The following GPATCH8 variants were observed in gnomAD, a reference collection of about 807,000 sequenced individuals.
The protein encoded by GPATCH8 is G-patch domain containing 8.
A neutral mutation model predicts 118.3 loss-of-function variants in GPATCH8; 18 were observed. The observed-to-expected ratio is 0.15, with a 90% confidence interval of 0.11 to 0.23. The LOEUF (loss-of-function observed/expected upper bound fraction) is 0.23, where lower values mean the gene tolerates loss of function less well. Among genes scored for constraint, GPATCH8 ranks in the 10% least tolerant of loss-of-function variants. The probability of loss-of-function intolerance (pLI) is 1.00; values close to 1 mark genes in which losing one functional copy is unlikely to be tolerated. For synonymous variants in GPATCH8, 659 were observed against 684.7 expected (o/e 0.96, Z 0.59); for missense variants, 1,631 against 1,873.8 (o/e 0.87, Z 2.39).
intron 2 of GPATCH8, 157 bp from the exon 3 acceptor site, chr17:44,464,701 A>T (rs1466589250): frequency 1.5e-6 from 1 of 649,930 alleles, no homozygotes; most frequent in Non-Finnish European, 2.8e-6. Context: ...TAAGAGGGAC[A>T]TTAATGTAAA....
At chr17:44,468,373 C>CT (rs869068538) in intron 2 of GPATCH8, among the ~76,000 whole-genome samples, 1,594 of 99,984 alleles carry the variant, frequency 0.016, 122 homozygotes, top group East Asian at 0.03. Flanking sequence ...TTCTTTGTTC[C>CT]TTTTTTTTTT....
chr17:44,435,040 C>A, intron 5 of GPATCH8, 25 bp downstream of exon 5: 1 of 976,394 alleles, frequency 1.0e-6, no homozygotes, highest in Non-Finnish European at 1.7e-6. Flanking sequence ...TCCCCATCTC[C>A]CAATGAATAG....
chr17:44,434,519 C>T (rs1478397067), intron 5 of GPATCH8, among the ~76,000 whole-genome samples: 1 of 152,192 alleles, frequency 6.6e-6, no homozygotes, highest in Admixed American at 6.5e-5. Context: ...GCCTGGCCAA[C>T]ATGGTGAAAC....
At chr17:44,460,307 G>A (rs749898140) in intron 3 of GPATCH8, among the ~76,000 whole-genome samples, 10 of 151,644 alleles carry the variant, frequency 6.6e-5, no homozygotes, top group Non-Finnish European at 8.8e-5. Flanking sequence ...CTTTTCTTCA[G>A]GTCTTTTATT....
At chr17:44,404,887 A>G (rs2049160361) in intron 7 of GPATCH8, among the ~76,000 whole-genome samples, 1 of 152,204 alleles carries the variant, frequency 6.6e-6, no homozygotes, top group Non-Finnish European at 1.5e-5. Context: ...ATAGAAGTAA[A>G]AAGTAGAACA....
At position 44,397,465 on chromosome 17, in the gene GPATCH8, T is replaced by C. The variant is rs755094128; in HGVS notation, c.*103A>G. 6.1e-6 allele frequency: 5 copies of C among 821,954 alleles called. No homozygotes were observed. The South Asian group carries it at 7.1e-5, about 12-fold the overall frequency. The allele number at this position is 821,954 out of a possible 1,614,324, so 50.9% of individuals were successfully genotyped here. ...ACTCAATTCTTTGGCTGTCAGACAC[T>C]GCCCATCCCAGCTTCTACTTGCTGG... On this transcript the variant is annotated 3_prime_UTR_variant, in exon 8 of 8. Transcript: ENST00000591680.
chr17:44,437,415 C>T (rs1194731884), intron 3 of GPATCH8, among the ~76,000 whole-genome samples: 2 of 152,050 alleles, frequency 1.3e-5, no homozygotes, highest in African/African-American at 4.8e-5. Context: ...ACAACCTGCG[C>T]TTTTTATTGT....
chr17:44,483,501 G>A (rs1306406313), intron 1 of GPATCH8, among the ~76,000 whole-genome samples: 8 of 151,244 alleles, frequency 5.3e-5, no homozygotes, highest in South Asian at 4.2e-4. Context: ...TGCCCACCTC[G>A]GCCTCCCAAA....
chr17:44,413,976 T>G (rs979720817), intron 6 of GPATCH8, among the ~76,000 whole-genome samples: 1 of 151,742 alleles, frequency 6.6e-6, no homozygotes, highest in African/African-American at 2.4e-5. Context: ...GTAATGCTTG[T>G]TTTGCTATTT....
chr17:44,435,885 G>A (rs1348522994), intron 4 of GPATCH8, among the ~76,000 whole-genome samples: 1 of 150,414 alleles, frequency 6.6e-6, no homozygotes, highest in East Asian at 2.0e-4. Context: ...ACCCGGGCAT[G>A]GTGTCATGCG....
At chr17:44,469,663 TAA>T (rs963084017) in intron 2 of GPATCH8, among the ~76,000 whole-genome samples, 1 of 152,216 alleles carries the variant, frequency 6.6e-6, no homozygotes, top group African/African-American at 2.4e-5. Flanking sequence ...GATTGTGTAT[TAA>T]AGACTATAAG....
At chr17:44,487,737 G>T (rs1190545778) in intron 1 of GPATCH8, among the ~76,000 whole-genome samples, 1 of 152,042 alleles carries the variant, frequency 6.6e-6, no homozygotes, top group Non-Finnish European at 1.5e-5. Context: ...CTAGTATTTT[G>T]TTTACTTTTA....
chr17:44,402,497 C>T lies in GPATCH8; in HGVS notation c.624-1044G>A, dbSNP rs570877405. On this transcript the variant is annotated intron_variant, in intron 7 of 7. Transcript: ENST00000591680. ...TTTATTTCATTCAATTAAAGAAAAA[C>T]TCTTGCTGGGTCAGGGTGGCTCACA... Among the ~76,000 whole-genome samples the T allele has an allele frequency of 2.0e-5, 3 of 151,948 alleles. No homozygotes were observed. The South Asian group carries it at 6.2e-4, about 32-fold the overall frequency.
At chr17:44,461,464 G>A (rs978400808) in intron 3 of GPATCH8, among the ~76,000 whole-genome samples, 4 of 151,696 alleles carry the variant, frequency 2.6e-5, no homozygotes, top group East Asian at 1.9e-4. Context: ...GATTTCAGGC[G>A]CTAGCCACTG....
At chr17:44,466,408 T>C (rs1047749003) in intron 2 of GPATCH8, among the ~76,000 whole-genome samples, 1 of 152,178 alleles carries the variant, frequency 6.6e-6, no homozygotes, top group African/African-American at 2.4e-5. Flanking sequence ...TGCACAAAAG[T>C]GTGCTGCAAG....
chr17:44,500,104 C>T (rs1487125281), intron 1 of GPATCH8, among the ~76,000 whole-genome samples: 2 of 152,174 alleles, frequency 1.3e-5, no homozygotes, highest in African/African-American at 4.8e-5. Flanking sequence ...CTCCCTTATT[C>T]TTTGTCACCT....
Position 44,443,115 on chromosome 17 carries a change from T to C in GPATCH8, c.194-6570A>G, listed in dbSNP as rs34719962. Among the ~76,000 whole-genome samples the C allele has an allele frequency of 3.9e-5, 6 of 152,164 alleles. No individual in the cohort carries two copies. In the Middle Eastern group the frequency reaches 0.01, roughly 259 times the overall value. On this transcript the variant is annotated intron_variant, in intron 3 of 7. Transcript: ENST00000591680. Reference sequence around the variant, plus strand: ...AGGGGAAAAAAGACCATTAAACTGATAAAGGCCAAGAACCTACACTGACAT... The same window carrying C: ...AGGGGAAAAAAGACCATTAAACTGACAAAGGCCAAGAACCTACACTGACAT...
At chr17:44,464,349 G>C in intron 3 of GPATCH8, 123 bp downstream of exon 3, 1 of 768,572 alleles carries the variant, frequency 1.3e-6, no homozygotes, top group Non-Finnish European at 2.4e-6. Context: ...ACTACTCTAA[G>C]GGGAAAAAGG....
At chr17:44,451,975 T>C (rs1056595516) in intron 3 of GPATCH8, among the ~76,000 whole-genome samples, 3 of 152,162 alleles carry the variant, frequency 2.0e-5, no homozygotes, top group Admixed American at 6.6e-5. Context: ...TTATCTGCTG[T>C]AAGATCTTGG....
Sources: allele counts gnomAD v4.1 joint callset (sites outside exome capture counted in the v4.1 genomes callset), GRCh38; gene constraint gnomAD v4.1.1; transcripts MANE v1.5; gene names NCBI Gene and HGNC (gene_info 2026-07-23, HGNC 2026-07-21).